RARB: variants seen among roughly 807,000 people sequenced by gnomAD.
The protein encoded by RARB is retinoic acid receptor beta.
RARB carries 17 observed loss-of-function variants against 51.9 expected under a neutral mutation model. The observed-to-expected ratio is 0.33, with a 90% CI of 0.22 to 0.49. The LOEUF (loss-of-function observed/expected upper bound fraction) is 0.49, where lower values mean the gene tolerates loss of function less well. Among genes scored for constraint, RARB ranks in the 20% least tolerant of loss-of-function variants. The pLI, the probability that RARB is intolerant of heterozygous loss-of-function variation, is 0.99. For missense variants in RARB, 369 were observed against 550.8 expected (o/e 0.67, Z 3.30); for synonymous variants, 215 against 195.4 (o/e 1.10, Z -0.84).
chr3:24,865,904 C>T (rs771935251), intron 2 of RARB, among the ~76,000 whole-genome samples: 16 of 152,020 alleles, frequency 1.1e-4, no homozygotes, highest in Non-Finnish European at 1.9e-4. Flanking sequence ...ACTTGTGAAA[C>T]TTTTATTTTT....
chr3:25,563,392 C>A (rs746991364), intron 3 of RARB, among the ~76,000 whole-genome samples: 15 of 152,196 alleles, frequency 9.9e-5, no homozygotes, highest in Non-Finnish European at 2.1e-4. Context: ...GCTGCAGCCT[C>A]ATTCACTGAC....
chr3:25,285,829 C>T (rs937341556), intron 5 of RARB, among the ~76,000 whole-genome samples: 1 of 152,150 alleles, frequency 6.6e-6, no homozygotes, highest in African/African-American at 2.4e-5. Context: ...CCATTTTAGA[C>T]AATTGAGCAT....
At chr3:24,969,607 T>G (rs1340087215) in intron 2 of RARB, among the ~76,000 whole-genome samples, 4 of 152,138 alleles carry the variant, frequency 2.6e-5, no homozygotes, top group Admixed American at 2.6e-4. Flanking sequence ...GCTTAGATAC[T>G]TATGTCTTTC....
chr3:25,432,863 T>C (rs1708264503), intron 1 of RARB, among the ~76,000 whole-genome samples: 1 of 152,166 alleles, frequency 6.6e-6, no homozygotes, highest in Non-Finnish European at 1.5e-5. Flanking sequence ...GGGCAGAAGA[T>C]GGAGATGTAA....
At chr3:25,205,699 C>G (rs546913241) in intron 5 of RARB, among the ~76,000 whole-genome samples, 1 of 152,116 alleles carries the variant, frequency 6.6e-6, no homozygotes, top group Admixed American at 6.5e-5. Context: ...ATATGTGCAT[C>G]TATTATGTAC....
chr3:25,007,170 A>C (rs138410148), intron 2 of RARB, among the ~76,000 whole-genome samples: 174 of 152,342 alleles, frequency 1.1e-3, no homozygotes, highest in African/African-American at 4.0e-3. Context: ...ACAGCAAAGA[A>C]AAAGGCCAGG....
intron 4 of RARB, among the ~76,000 whole-genome samples, chr3:25,146,516 T>G (rs1444642898): frequency 6.9e-6 from 1 of 145,482 alleles, no homozygotes; most frequent in African/African-American, 2.5e-5. Context: ...TGTTTGTTTT[T>G]TTTTTTTTGA....
intron 5 of RARB, among the ~76,000 whole-genome samples, chr3:25,322,773 G>T (rs930621473): frequency 6.6e-6 from 1 of 152,050 alleles, no homozygotes; most frequent in South Asian, 2.1e-4. Flanking sequence ...CTGTGGCCCC[G>T]ATCCTCTGAC....
chr3:25,086,924 C>A (rs1452207801), intron 3 of RARB, among the ~76,000 whole-genome samples: 2 of 152,014 alleles, frequency 1.3e-5, no homozygotes, highest in Non-Finnish European at 2.9e-5. Flanking sequence ...TAGAAAGGTG[C>A]CAGACTCCTT....
At chr3:25,201,220 G>C (rs1021491712) in intron 5 of RARB, among the ~76,000 whole-genome samples, 1 of 151,556 alleles carries the variant, frequency 6.6e-6, no homozygotes, top group African/African-American at 2.4e-5. Context: ...CTCGTGATTT[G>C]GCTCTCTGTT....
chr3:25,325,543 C>T (rs1704690098), intron 5 of RARB, among the ~76,000 whole-genome samples: 1 of 150,650 alleles, frequency 6.6e-6, no homozygotes, highest in Admixed American at 6.6e-5. Flanking sequence ...GACCAAATAC[C>T]CCCCAGGCAC....
chr3:24,892,953 A>G (rs935946113), intron 2 of RARB, among the ~76,000 whole-genome samples: 1 of 152,232 alleles, frequency 6.6e-6, no homozygotes, highest in Non-Finnish European at 1.5e-5. Context: ...CATTCAGGGT[A>G]GTATTCTCTG....
chr3:25,345,988 A>G (rs1191461131), intron 5 of RARB: 2 of 612,710 alleles, frequency 3.3e-6, no homozygotes, highest in African/African-American at 4.0e-5. Context: ...GCTGGCTCCG[A>G]TGAGTAGTTC....
chr3:25,389,982 G>A (rs17016367), intron 5 of RARB, among the ~76,000 whole-genome samples: 5,310 of 152,220 alleles, frequency 0.035, 119 homozygotes, highest in Middle Eastern at 0.065. Flanking sequence ...TGGATTGGTC[G>A]TGGCTCAAGA....
chr3:25,468,155 T>C (rs1050922174), intron 2 of RARB, among the ~76,000 whole-genome samples: 3 of 152,160 alleles, frequency 2.0e-5, no homozygotes, highest in Non-Finnish European at 4.4e-5. Flanking sequence ...CTCTGGGCCT[T>C]AGCCTATCTG....
At chr3:24,991,448 A>G (rs1206955959) in intron 2 of RARB, among the ~76,000 whole-genome samples, 1 of 151,306 alleles carries the variant, frequency 6.6e-6, no homozygotes, top group Non-Finnish European at 1.5e-5. Context: ...TGTCTCAAAA[A>G]AAAAAGAAAA....
At position 24,878,375 on chromosome 3, in the gene RARB, C is replaced by G. The variant is rs62228446; in HGVS notation, c.-380+19623C>G. Reference sequence around the variant, plus strand: ...TTCCAAGTTGTGATTTTTTTTTTCCCTGCTTGTTTTCGTTTCTCTTATGTT... The same window carrying G: ...TTCCAAGTTGTGATTTTTTTTTTCCGTGCTTGTTTTCGTTTCTCTTATGTT... On this transcript the variant is annotated intron_variant, in intron 2 of 11. Transcript: ENST00000383772. Among the ~76,000 whole-genome samples the G allele has an allele frequency of 3.3e-5, 5 of 150,772 alleles. No homozygotes were observed. The East Asian group carries it at 5.8e-4, about 18-fold the overall frequency.
rs34908200 is a variant in RARB at position 25,150,200 on chromosome 3, CAA to C, written c.-280+18006_-280+18007del. Among the ~76,000 whole-genome samples the C allele has an allele frequency of 6.4e-3, 894 of 140,032 alleles. 3 individuals carry two copies. Among genetic ancestry groups the C allele is most frequent in the Middle Eastern group, 0.011 (3 of 266 alleles). 91.9% of individuals were successfully genotyped at this position (140,032 alleles called of 152,430 possible). A position where few individuals can be genotyped will look rare whatever the true frequency, so the allele number is the denominator to read the frequency against. On this transcript the variant is annotated intron_variant, in intron 4 of 11. Coordinates refer to the RARB transcript ENST00000383772. ...TGGATGACAGAGCAAGGCTCTGTCT[CAA>C]AAAAAAAAAAAAATTGTTAAACATC... is the stretch of plus-strand genomic sequence containing the variant.
At chr3:25,188,506 C>A (rs544992191) in intron 5 of RARB, among the ~76,000 whole-genome samples, 1 of 152,094 alleles carries the variant, frequency 6.6e-6, no homozygotes, top group Admixed American at 6.6e-5. Context: ...GAAGTGTTAA[C>A]TTCTAAGCTA....
Sources: allele counts gnomAD v4.1 joint callset (sites outside exome capture counted in the v4.1 genomes callset), GRCh38; gene constraint gnomAD v4.1.1; transcripts MANE v1.5; gene names NCBI Gene and HGNC (gene_info 2026-07-23, HGNC 2026-07-21).